The following LINC00305 variants were observed in gnomAD, a reference collection of about 807,000 sequenced individuals.
LINC00305 encodes the protein long independently transcribed non-coding RNA 305.
intron 1 of LINC00305, among the ~76,000 whole-genome samples, chr18:64,142,212 AGTCT>A (rs111902744): frequency 0.07 from 10,718 of 152,264 alleles, 558 homozygotes; most frequent in Non-Finnish European, 0.11. Context: ...AAGAGAATGT[AGTCT>A]GTCTGGGTAT....
At chr18:64,122,625 T>C (rs1202640031) in intron 1 of LINC00305, among the ~76,000 whole-genome samples, 1 of 152,126 alleles carries the variant, frequency 6.6e-6, no homozygotes, top group Non-Finnish European at 1.5e-5. Context: ...ATATGATGTC[T>C]TCAGCTTTGT....
chr18:64,093,900 C>A (rs1175865899), intron 3 of LINC00305, among the ~76,000 whole-genome samples: 3 of 150,214 alleles, frequency 2.0e-5, no homozygotes, highest in Non-Finnish European at 3.0e-5. Context: ...GTCACCCCAC[C>A]TTTACTCAAA....
At chr18:64,129,658 A>G (rs1431943961) in intron 1 of LINC00305, among the ~76,000 whole-genome samples, 1 of 152,084 alleles carries the variant, frequency 6.6e-6, no homozygotes. Flanking sequence ...TTTAAAGTTG[A>G]CCTGGTTAGA....
intron 3 of LINC00305, among the ~76,000 whole-genome samples, chr18:64,081,507 C>T (rs1033911649): frequency 2.0e-5 from 3 of 152,124 alleles, no homozygotes; most frequent in African/African-American, 7.2e-5. Context: ...AAAAAATGTT[C>T]TCAAAAGATA....
At chr18:64,125,917 C>T (rs1185267121) in intron 1 of LINC00305, among the ~76,000 whole-genome samples, 1 of 152,104 alleles carries the variant, frequency 6.6e-6, no homozygotes, top group Non-Finnish European at 1.5e-5. Flanking sequence ...TGTCCCTCTA[C>T]TGTGAGATCA....
intron 3 of LINC00305, among the ~76,000 whole-genome samples, chr18:64,084,894 T>G (rs2051197563): frequency 6.6e-6 from 1 of 152,228 alleles, no homozygotes; most frequent in Admixed American, 6.5e-5. Flanking sequence ...CTTCAAAGCT[T>G]CATCTCTCCT....
chr18:64,127,487 T>G (rs2051390375), intron 1 of LINC00305: 1 of 152,158 alleles, frequency 6.6e-6, no homozygotes, highest in South Asian at 2.1e-4. Flanking sequence ...GCCAAGTCCT[T>G]GCCAATGCCC....
chr18:64,129,463 T>C (rs548858287), intron 1 of LINC00305, among the ~76,000 whole-genome samples: 1 of 152,268 alleles, frequency 6.6e-6, no homozygotes, highest in South Asian at 2.1e-4. Flanking sequence ...TACCAAGAGC[T>C]GCAGGGATGC....
At chr18:64,118,059 G>T (rs1168749202) in intron 1 of LINC00305, among the ~76,000 whole-genome samples, 1 of 152,124 alleles carries the variant, frequency 6.6e-6, no homozygotes, top group Non-Finnish European at 1.5e-5. Context: ...GAGTTCTCCA[G>T]GCTGAATGCA....
At chr18:64,118,962 A>C (rs1437884696) in intron 1 of LINC00305, among the ~76,000 whole-genome samples, 3 of 151,918 alleles carry the variant, frequency 2.0e-5, no homozygotes, top group Non-Finnish European at 4.4e-5. Flanking sequence ...TTTTCTTTAA[A>C]TATACTTAAC....
At chr18:64,142,034 G>A (rs2051465956) in intron 1 of LINC00305, among the ~76,000 whole-genome samples, 1 of 152,184 alleles carries the variant, frequency 6.6e-6, no homozygotes, top group Admixed American at 6.5e-5. Context: ...TATATTCATA[G>A]TTGTGTAGGA....
chr18:64,115,244 A>G (rs974730975), intron 1 of LINC00305, among the ~76,000 whole-genome samples: 2 of 152,214 alleles, frequency 1.3e-5, no homozygotes, highest in African/African-American at 4.8e-5. Context: ...CCAAATGTCC[A>G]CTGTACATAC....
At chr18:64,125,837 G>A (rs1440661859) in intron 1 of LINC00305, among the ~76,000 whole-genome samples, 1 of 152,104 alleles carries the variant, frequency 6.6e-6, no homozygotes, top group Admixed American at 6.6e-5. Flanking sequence ...CATTATCAGG[G>A]GGAGTGGGTT....
intron 3 of LINC00305, among the ~76,000 whole-genome samples, chr18:64,088,471 C>G (rs2051212674): frequency 6.6e-6 from 1 of 152,226 alleles, no homozygotes; most frequent in Non-Finnish European, 1.5e-5. Flanking sequence ...CTCAATCTAG[C>G]TCTTTAGTGC....
At chr18:64,097,313 T>G (rs1183519669) in intron 3 of LINC00305, among the ~76,000 whole-genome samples, 1 of 152,136 alleles carries the variant, frequency 6.6e-6, no homozygotes, top group Non-Finnish European at 1.5e-5. Flanking sequence ...ATTTATATTA[T>G]ATACAATTAT....
intron 3 of LINC00305, among the ~76,000 whole-genome samples, chr18:64,095,168 C>T (rs653412): frequency 3.3e-5 from 5 of 152,012 alleles, no homozygotes; most frequent in African/African-American, 9.7e-5. Flanking sequence ...ATTTGAGAGG[C>T]GATTTCTAAC....
At chr18:64,101,298 C>T (rs563332839) in intron 1 of LINC00305, among the ~76,000 whole-genome samples, 2 of 152,220 alleles carry the variant, frequency 1.3e-5, no homozygotes, top group East Asian at 3.9e-4. Flanking sequence ...GGGAACAATG[C>T]CCTCTGTATT....
chr18:64,089,294 A>G (rs960452139), intron 3 of LINC00305, among the ~76,000 whole-genome samples: 3 of 152,154 alleles, frequency 2.0e-5, no homozygotes, highest in African/African-American at 7.2e-5. Context: ...GTCTGCTGCC[A>G]CCTTGTGAAG....
At chr18:64,111,161 T>G (rs1446972061) in intron 1 of LINC00305, among the ~76,000 whole-genome samples, 1 of 152,248 alleles carries the variant, frequency 6.6e-6, no homozygotes, top group African/African-American at 2.4e-5. Flanking sequence ...TTGCATACTT[T>G]AACACTTATT....
Sources: gnomAD v4.1 joint callset for allele counts (sites outside exome capture counted in the v4.1 genomes callset) on GRCh38, gnomAD v4.1.1 for gene constraint, MANE v1.5 for transcripts, NCBI Gene and HGNC (gene_info 2026-07-23, HGNC 2026-07-21) for gene names.